SCN10A: variants seen among roughly 807,000 people sequenced by gnomAD.
SCN10A encodes the protein sodium channel protein type 10 subunit alpha.
Under a neutral mutation model 170.7 loss-of-function variants are expected in SCN10A, and 162 were observed. The observed-to-expected ratio is 0.95, with a 90% CI of 0.84 to 1.08. SCN10A has a LOEUF of 1.08. Ranked by LOEUF, SCN10A falls within the 50% of genes least tolerant of loss-of-function variation. SCN10A has a pLI of 0.00. For missense variants in SCN10A, 2,527 were observed against 2,436.9 expected (o/e 1.04, Z -0.78); for synonymous variants, 985 against 904.6 (o/e 1.09, Z -1.59).
intron 4 of SCN10A, among the ~76,000 whole-genome samples, chr3:38,772,991 G>C (rs1473874589): frequency 2.6e-5 from 4 of 152,148 alleles, no homozygotes; most frequent in African/African-American, 9.7e-5. Context: ...TAGAGAATCA[G>C]ACTAGGAGGT....
intron 4 of SCN10A, 53 bp from the exon 5 acceptor site, chr3:38,771,460 G>C: frequency 6.3e-7 from 1 of 1,595,336 alleles, no homozygotes; most frequent in Non-Finnish European, 8.6e-7. Context: ...GTGTACTCAG[G>C]GGGTTCCTTC....
At chr3:38,754,924 A>T (rs6599255) in intron 11 of SCN10A, among the ~76,000 whole-genome samples, 1 of 151,918 alleles carries the variant, frequency 6.6e-6, no homozygotes. Context: ...CCCACACAGC[A>T]GATATTATCT....
At position 38,757,163 on chromosome 3, in the gene SCN10A, C is replaced by T. The variant is rs2063818377; in HGVS notation, c.951-4G>A. Reference sequence around the variant, plus strand: ...GATATAACCATCAGGGCAGTGGCTGCAGCAAGAACAGAGAAGGTCATCCCC... The same window carrying T: ...GATATAACCATCAGGGCAGTGGCTGTAGCAAGAACAGAGAAGGTCATCCCC... On this transcript the variant is annotated splice_region_variant and splice_polypyrimidine_tract_variant and intron_variant, in intron 8 of 27. Transcript: ENST00000449082. 2 of 1,590,776 alleles carry T rather than the reference C, an allele frequency of 1.3e-6. No individual in the cohort carries two copies. Among genetic ancestry groups the T allele is most frequent in the Non-Finnish European group, 1.7e-6 (2 of 1,169,810 alleles).
At chr3:38,753,961 A>G (rs529780064) in intron 11 of SCN10A, among the ~76,000 whole-genome samples, 58 of 152,352 alleles carry the variant, frequency 3.8e-4, no homozygotes, top group African/African-American at 1.4e-3. Flanking sequence ...TCTATTGGTT[A>G]TAAAATGGCT....
rs777191601 is a variant in SCN10A, at chr3:38,792,069, T to C, written c.370A>G (p.Ile124Val). ...GGATATGAGTGGACAGACACTTTGA[T>C]GGCCGTTCTTCTGATCAGGTTGAAA... The part of the protein sequence containing the change: ...SPFNLIRRTA[I>V]KVSVHSWFSL... The change falls in exon 3 of 28, where the codon ATC (isoleucine) becomes GTC (valine). Residue 124 changes from isoleucine to valine, a missense_variant. Coordinates refer to ENST00000449082, the MANE Select transcript of SCN10A (RefSeq NM_006514.4). 3 of 1,613,730 alleles carry C rather than the reference T, an allele frequency of 1.9e-6. No homozygotes were observed. Among genetic ancestry groups the C allele is most frequent in the South Asian group, 2.2e-5 (2 of 91,054 alleles).
intron 1 of SCN10A, among the ~76,000 whole-genome samples, chr3:38,807,211 T>A (rs1403487373): frequency 2.6e-5 from 4 of 152,194 alleles, no homozygotes; most frequent in Non-Finnish European, 5.9e-5. Context: ...GTCACTAATG[T>A]AGATAATTAT....
intron 13 of SCN10A, among the ~76,000 whole-genome samples, chr3:38,742,925 T>A (rs1021125878): frequency 1.3e-5 from 2 of 152,212 alleles, no homozygotes; most frequent in African/African-American, 2.4e-5. Flanking sequence ...TAGACCCAAT[T>A]TGTAGACTAC....
At chr3:38,811,181 G>A (rs755632195) in intron 1 of SCN10A, among the ~76,000 whole-genome samples, 18 of 152,140 alleles carry the variant, frequency 1.2e-4, no homozygotes, top group African/African-American at 4.3e-4. Flanking sequence ...GTCCAGGCAC[G>A]GTGGCTCACG....
At chr3:38,756,555 C>T in intron 10 of SCN10A, 119 bp downstream of exon 10, 1 of 804,214 alleles carries the variant, frequency 1.2e-6, no homozygotes, top group Non-Finnish European at 2.1e-6. Context: ...GTCCCTGAGG[C>T]AAGATGATTC....
At chr3:38,813,399 G>A (rs780648176) in intron 1 of SCN10A, among the ~76,000 whole-genome samples, 13 of 152,232 alleles carry the variant, frequency 8.5e-5, no homozygotes, top group South Asian at 2.1e-4. Flanking sequence ...CTGAAACTCC[G>A]CGTCTCAGTT....
At chr3:38,716,269 C>G (rs1333348822) in intron 21 of SCN10A, among the ~76,000 whole-genome samples, 2 of 152,080 alleles carry the variant, frequency 1.3e-5, no homozygotes, top group Admixed American at 6.5e-5. Context: ...GCTGTGTCCC[C>G]ACCCAAATCT....
intron 1 of SCN10A, among the ~76,000 whole-genome samples, chr3:38,798,681 T>C (rs1159170029): frequency 6.6e-6 from 1 of 152,066 alleles, no homozygotes; most frequent in Non-Finnish European, 1.5e-5. Flanking sequence ...TGCAGGTATA[T>C]TCCCTTAAGT....
chr3:38,788,216 CAAAAAAAAAAA>C lies in SCN10A; in HGVS notation c.470+729_470+739del, dbSNP rs561959910. The stretch of plus-strand genomic sequence containing the variant: ...TGGCATGCATTACTGTTATGATTAG[CAAAAAAAAAAA>C]AAAAAAAAAAAAGAAAGCTCTGCAA... On this transcript the variant is annotated intron_variant, in intron 4 of 27. Coordinates refer to ENST00000449082, the MANE Select transcript of SCN10A (RefSeq NM_006514.4). 2.2e-4 allele frequency among the ~76,000 whole-genome samples: 22 copies of C among 97,838 alleles called. No individual in the cohort carries two copies. The South Asian group carries it at 7.6e-3, about 34-fold the overall frequency. The allele number at this position is 97,838 out of a possible 152,430, so 64.2% of individuals were successfully genotyped here.
chr3:38,757,714 T>C (rs1354033115), intron 8 of SCN10A, among the ~76,000 whole-genome samples: 1 of 152,220 alleles, frequency 6.6e-6, no homozygotes, highest in African/African-American at 2.4e-5. Flanking sequence ...GTCAGTTGCC[T>C]AAAACTACGC....
chr3:38,765,249 G>A (rs546954387), intron 5 of SCN10A, among the ~76,000 whole-genome samples: 1 of 152,100 alleles, frequency 6.6e-6, no homozygotes, highest in African/African-American at 2.4e-5. Context: ...GTTTTTGTTG[G>A]ATTTGCTTTG....
chr3:38,754,412 C>A (rs2063781180), intron 11 of SCN10A, among the ~76,000 whole-genome samples: 1 of 152,206 alleles, frequency 6.6e-6, no homozygotes, highest in African/African-American at 2.4e-5. Flanking sequence ...TACCAAGCAC[C>A]TAGTATTGTT....
At chr3:38,779,423 T>C (rs2064112610) in intron 4 of SCN10A, among the ~76,000 whole-genome samples, 1 of 152,060 alleles carries the variant, frequency 6.6e-6, no homozygotes, top group South Asian at 2.1e-4. Flanking sequence ...TACTTTAAAA[T>C]TTCTCTCAAT....
At chr3:38,802,503 T>G (rs2064378891) in intron 1 of SCN10A, among the ~76,000 whole-genome samples, 1 of 152,188 alleles carries the variant, frequency 6.6e-6, no homozygotes, top group Non-Finnish European at 1.5e-5. Context: ...ATTATTCTAG[T>G]AACTTAGGTC....
intron 11 of SCN10A, among the ~76,000 whole-genome samples, chr3:38,753,003 C>T (rs573113401): frequency 2.0e-5 from 3 of 152,282 alleles, no homozygotes; most frequent in South Asian, 2.1e-4. Flanking sequence ...TCATTAGATC[C>T]CATCTGTATG....
Sources: gnomAD v4.1 joint callset for allele counts (sites outside exome capture counted in the v4.1 genomes callset) on GRCh38, gnomAD v4.1.1 for gene constraint, MANE v1.5 for transcripts, NCBI Gene and HGNC (gene_info 2026-07-23, HGNC 2026-07-21) for gene names.